The following CACNA2D1 variants were observed in gnomAD, a reference collection of about 807,000 sequenced individuals.
The protein encoded by CACNA2D1 is calcium voltage-gated channel auxiliary subunit alpha2delta 1.
Under a neutral mutation model 171.5 loss-of-function variants are expected in CACNA2D1, and 53 were observed. The observed-to-expected ratio is 0.31, with a 90% CI of 0.25 to 0.39. The LOEUF (loss-of-function observed/expected upper bound fraction) is 0.39, where lower values mean the gene tolerates loss of function less well. Ranked by LOEUF, CACNA2D1 falls within the 10% of genes least tolerant of loss-of-function variation. The pLI, the probability that CACNA2D1 is intolerant of heterozygous loss-of-function variation, is 1.00. For missense variants in CACNA2D1, 903 were observed against 1,299.8 expected, an observed-to-expected ratio of 0.69 and a Z score of 4.69; for synonymous variants, 442 against 443.1, an observed-to-expected ratio of 1.00 and a Z score of 0.03.
At chr7:82,152,289 T>A (rs1727342732) in intron 4 of CACNA2D1, among the ~76,000 whole-genome samples, 2 of 105,810 alleles carry the variant, frequency 1.9e-5, no homozygotes, top group South Asian at 3.3e-4. Flanking sequence ...ATAAATTAGA[T>A]CTTAATATAC....
chr7:82,114,214 C>T (rs182848763), intron 6 of CACNA2D1, among the ~76,000 whole-genome samples: 4 of 152,068 alleles, frequency 2.6e-5, no homozygotes, highest in Admixed American at 2.0e-4. Context: ...TAAAAATTTA[C>T]GTTCAAATTT....
At chr7:82,424,653 T>C (rs1829020329) in intron 1 of CACNA2D1, among the ~76,000 whole-genome samples, 1 of 152,224 alleles carries the variant, frequency 6.6e-6, no homozygotes, top group African/African-American at 2.4e-5. Flanking sequence ...AATAATGGTA[T>C]AAATTGGCTT....
At chr7:82,151,241 T>C (rs1793826479) in intron 4 of CACNA2D1, among the ~76,000 whole-genome samples, 1 of 152,134 alleles carries the variant, frequency 6.6e-6, no homozygotes, top group East Asian at 1.9e-4. Context: ...CTCAGGCATA[T>C]TTTCATAGGA....
Position 82,011,951 on chromosome 7 carries a change from C to T in CACNA2D1, c.1362+203G>A, listed in dbSNP as rs1762262321. ...AGGGATCAAGTAGACAATAAGCTAA[C>T]ACTTTGCATTTGTAGTTTTCTACTA... On this transcript the variant is annotated intron_variant, in intron 15 of 38. Transcript: ENST00000356860. The T allele has an allele frequency of 7.3e-6, 4 of 550,204 alleles. No homozygotes were observed. In the South Asian group the frequency reaches 9.1e-5, roughly 13 times the overall value. The allele number at this position is 550,204 out of a possible 1,614,324, so 34.1% of individuals were successfully genotyped here.
chr7:82,269,195 G>GT (rs1808305517), intron 3 of CACNA2D1, among the ~76,000 whole-genome samples: 2 of 151,944 alleles, frequency 1.3e-5, no homozygotes, highest in African/African-American at 4.8e-5. Context: ...TTCTTTAATA[G>GT]TCTCCTTGGT....
At chr7:82,197,069 A>G (rs3819441) in intron 3 of CACNA2D1, among the ~76,000 whole-genome samples, 35,785 of 151,870 alleles carry the variant, frequency 0.24, 5,239 homozygotes, top group East Asian at 0.47. Flanking sequence ...TAGTTTAAGC[A>G]TGTTGCTATC....
chr7:82,052,626 C>CGTGGTTGACACTAAAGATTATATATAAT (rs764205874), intron 10 of CACNA2D1, among the ~76,000 whole-genome samples: 1 of 151,942 alleles, frequency 6.6e-6, no homozygotes, highest in Non-Finnish European at 1.5e-5. Context: ...ATGAATTTAA[C>CGTGGTTGACACTAAAGATTATATATAAT]GTGGTTGACA....
At chr7:82,090,946 T>C (rs1005890882) in intron 6 of CACNA2D1, among the ~76,000 whole-genome samples, 2 of 151,994 alleles carry the variant, frequency 1.3e-5, no homozygotes, top group African/African-American at 2.4e-5. Flanking sequence ...GTCATTTATA[T>C]GTTGACTACC....
intron 4 of CACNA2D1, among the ~76,000 whole-genome samples, chr7:82,149,518 G>A (rs1793540773): frequency 6.6e-6 from 1 of 152,022 alleles, no homozygotes; most frequent in Non-Finnish European, 1.5e-5. Flanking sequence ...CAAAGAATGA[G>A]GAGGCTCAGG....
intron 4 of CACNA2D1, among the ~76,000 whole-genome samples, chr7:82,165,938 T>C (rs1795413737): frequency 6.6e-6 from 1 of 152,008 alleles, no homozygotes; most frequent in African/African-American, 2.4e-5. Context: ...GCTCTCACTT[T>C]TTATCCCTAA....
chr7:82,203,445 T>C (rs79605510), intron 3 of CACNA2D1, among the ~76,000 whole-genome samples: 1,628 of 152,266 alleles, frequency 0.011, 30 homozygotes, highest in African/African-American at 0.037. Context: ...GGCTATAGCA[T>C]AGCCCCACCA....
chr7:82,051,866 T>A (rs2131313446), intron 10 of CACNA2D1, among the ~76,000 whole-genome samples: 1 of 152,292 alleles, frequency 6.6e-6, no homozygotes, highest in Non-Finnish European at 1.5e-5. Flanking sequence ...ACTGGATTAG[T>A]GGGAAAACAG....
intron 6 of CACNA2D1, among the ~76,000 whole-genome samples, chr7:82,107,555 T>C (rs1040735902): frequency 1.3e-5 from 2 of 151,272 alleles, no homozygotes; most frequent in African/African-American, 2.4e-5. Context: ...TAACACAAAT[T>C]TGGAAATTTC....
chr7:81,951,741 A>G (rs989036803), intron 38 of CACNA2D1, among the ~76,000 whole-genome samples: 7 of 151,992 alleles, frequency 4.6e-5, no homozygotes, highest in African/African-American at 1.4e-4. Context: ...TCATTGGTTG[A>G]TGGACATTTA....
At chr7:82,355,026 A>G (rs1820266000) in intron 1 of CACNA2D1, among the ~76,000 whole-genome samples, 1 of 152,290 alleles carries the variant, frequency 6.6e-6, no homozygotes, top group South Asian at 2.1e-4. Flanking sequence ...CTGTGAAAAT[A>G]CCATATTACC....
intron 1 of CACNA2D1, among the ~76,000 whole-genome samples, chr7:82,440,857 G>A (rs1043204226): frequency 6.6e-6 from 1 of 151,504 alleles, no homozygotes; most frequent in African/African-American, 2.4e-5. Context: ...TCTAATTGAA[G>A]TCCAACTCCA....
chr7:81,963,983 T>C, intron 34 of CACNA2D1, 73 bp downstream of exon 34: 1 of 1,254,090 alleles, frequency 8.0e-7, no homozygotes, highest in South Asian at 1.3e-5. Context: ...CCTAAATCCA[T>C]ATTTTCATCA....
At chr7:82,025,181 A>T (rs184268894) in intron 12 of CACNA2D1, among the ~76,000 whole-genome samples, 79 of 151,784 alleles carry the variant, frequency 5.2e-4, no homozygotes, top group African/African-American at 1.7e-3. Flanking sequence ...TTTATTAAAA[A>T]TGCCATTGGG....
At chr7:82,084,927 T>C in intron 6 of CACNA2D1, 27 bp from the exon 7 acceptor site, 1 of 1,575,606 alleles carries the variant, frequency 6.3e-7, no homozygotes, top group South Asian at 1.1e-5. Context: ...AAACCATTAA[T>C]TAATTCAAAT....
Sources: allele counts gnomAD v4.1 joint callset (sites outside exome capture counted in the v4.1 genomes callset), GRCh38; gene constraint gnomAD v4.1.1; transcripts MANE v1.5; gene names NCBI Gene and HGNC (gene_info 2026-07-23, HGNC 2026-07-21).